Variants in PMPCB observed in about 807,000 individuals in gnomAD.
PMPCB encodes the protein peptidase, mitochondrial processing subunit beta, also known as mitochondrial-processing peptidase subunit beta.
Under a neutral mutation model 61.5 loss-of-function variants are expected in PMPCB, and 46 were observed. The observed-to-expected ratio is 0.75, with a 90% CI of 0.59 to 0.96. PMPCB has a LOEUF of 0.96. Among genes scored for constraint, PMPCB ranks in the 40% least tolerant of loss-of-function variants. The pLI is 0.00. For missense variants in PMPCB, 590 were observed against 602.4 expected (o/e 0.98, Z 0.22); for synonymous variants, 191 against 201.6 (o/e 0.95, Z 0.44).
At chr7:103,319,247 A>T (rs1818245917), downstream of PMPCB, among the ~76,000 whole-genome samples, 1 of 151,912 alleles carries the variant, frequency 6.6e-6, no homozygotes, top group Non-Finnish European at 1.5e-5. Context: ...GACCAGCCTG[A>T]CCAACATGGT....
At chr7:103,315,676 C>A, downstream of PMPCB, 3 of 785,618 alleles carry the variant, frequency 3.8e-6, no homozygotes, top group Non-Finnish European at 6.2e-6. Context: ...ATTTCCCTAT[C>A]ATTCTGAACA....
intron 12 of PMPCB, chr7:103,319,939 G>A (rs1206134004): frequency 6.6e-6 from 9 of 1,358,638 alleles, no homozygotes; most frequent in Non-Finnish European, 9.3e-6. Context: ...GGAGGCTGAG[G>A]CAGGAGAATC....
At chr7:103,347,328 G>A in the PMPCB span, among the ~76,000 whole-genome samples, 1 of 152,192 alleles carries the variant, frequency 6.6e-6, no homozygotes, top group Non-Finnish European at 1.5e-5. Context: ...CTTCTTTGGA[G>A]CAATGTTTAT....
At chr7:103,341,388 C>CCT in the PMPCB span, among the ~76,000 whole-genome samples, 5 of 152,168 alleles carry the variant, frequency 3.3e-5, no homozygotes, top group Non-Finnish European at 5.9e-5. Context: ...TTCTCATCAC[C>CCT]ATACCGCATG....
chr7:103,334,193 C>T (rs182401355), downstream of PMPCB, among the ~76,000 whole-genome samples: 6 of 151,982 alleles, frequency 3.9e-5, no homozygotes, highest in South Asian at 4.2e-4. Context: ...CCTCGTGATC[C>T]GCCTGCCTTG....
At chr7:103,328,847 C>T in intron 12 of PMPCB, 1 of 342,434 alleles carries the variant, frequency 2.9e-6, no homozygotes, top group Non-Finnish European at 5.1e-6. Flanking sequence ...GTGCCATTTC[C>T]AATTTTGCAT....
At chr7:103,298,015 A>G (rs1368643925) in intron 1 of PMPCB, 7 of 962,100 alleles carry the variant, frequency 7.3e-6, no homozygotes, top group Non-Finnish European at 9.3e-6. Flanking sequence ...AAGCAAAGGG[A>G]TGTGAGACTT....
At chr7:103,344,681 T>C in the PMPCB span, 2 of 1,564,206 alleles carry the variant, frequency 1.3e-6, no homozygotes, top group African/African-American at 1.3e-5. Flanking sequence ...GGAGGGCGCT[T>C]AGGGTCCCCT....
intron 12 of PMPCB, chr7:103,322,228 GAC>G: frequency 1.6e-6 from 1 of 641,562 alleles, no homozygotes; most frequent in African/African-American, 1.9e-5. Context: ...AACTCGGAAA[GAC>G]AGCTGGTAAA....
rs564665549 is a variant in PMPCB, at chr7:103,313,868, A to C, written c.*1597A>C. 16 of 985,396 alleles carry C rather than the reference A, an allele frequency of 1.6e-5. No individual in the cohort carries two copies. The African/African-American group carries it at 2.6e-4, about 16-fold the overall frequency. The allele number at this position is 985,396 out of a possible 1,614,324, so 61.0% of individuals were successfully genotyped here. ...TAAGTGGTAGAAAGCTGATTTGGTT[A>C]AGTTAATGGACTTCTGGCAATTTAG... On this transcript the variant is annotated 3_prime_UTR_variant, in exon 13 of 13. Transcript: ENST00000249269.
chr7:103,344,743 G>A, the PMPCB span: 16 of 1,018,560 alleles, frequency 1.6e-5, no homozygotes, highest in Admixed American at 6.0e-5. Context: ...AGACGCCCAG[G>A]AACCGGCGCA....
intron 4 of PMPCB, 104 bp downstream of exon 4, chr7:103,300,411 A>G: frequency 2.1e-6 from 2 of 950,928 alleles, no homozygotes; most frequent in South Asian, 5.2e-5. Context: ...AGTTCCAGAA[A>G]TGTGAAAAAG....
chr7:103,311,649 ACT>A lies in PMPCB; in HGVS notation c.1164_1165del (p.Cys389TyrfsTer7). On this transcript the variant is annotated frameshift_variant, in exon 10 of 13. Coordinates refer to ENST00000249269, the MANE Select transcript of PMPCB (RefSeq NM_004279.3). LOFTEE classifies it high-confidence loss of function. ...GTTTTTCCACGTTTTTTAGGATGCG[ACT>A]CTGTACAAGTGTCACAGAAAGTGAG... ...LHVVQKEWMR[L>X]CTSVTESEVA... is the part of the protein sequence containing the mutation. 5.0e-6 allele frequency: 8 copies of A among 1,612,786 alleles called. No individual in the cohort carries two copies. Among genetic ancestry groups the A allele is most frequent in the Non-Finnish European group, 5.9e-6 (7 of 1,179,258 alleles).
intron 12 of PMPCB, chr7:103,324,576 G>T: frequency 7.0e-7 from 1 of 1,437,798 alleles, no homozygotes; most frequent in Non-Finnish European, 9.3e-7. Context: ...AAATATCAAA[G>T]GAAATATTCT....
chr7:103,322,629 T>C (rs1439403149), intron 12 of PMPCB: 3 of 1,613,146 alleles, frequency 1.9e-6, no homozygotes, highest in South Asian at 2.2e-5. Flanking sequence ...GCTGTATGCA[T>C]TGTCTAGCAA....
At chr7:103,325,901 G>A (rs763203943) in intron 12 of PMPCB, among the ~76,000 whole-genome samples, 5 of 152,242 alleles carry the variant, frequency 3.3e-5, no homozygotes, top group African/African-American at 4.8e-5. Context: ...GTAGTATACC[G>A]ATTGATAAAG....
At chr7:103,339,468 G>C in the PMPCB span, among the ~76,000 whole-genome samples, 1 of 152,154 alleles carries the variant, frequency 6.6e-6, no homozygotes, top group Non-Finnish European at 1.5e-5. Context: ...AGCTTTGAAA[G>C]AGTACTTTAC....
intron 4 of PMPCB, 94 bp from the exon 5 acceptor site, chr7:103,303,748 G>A: frequency 1.3e-6 from 1 of 757,822 alleles, no homozygotes; most frequent in Admixed American, 2.7e-5. Context: ...TTGAGTGATG[G>A]GTCAGTGTCA....
chr7:103,332,162 G>A (rs185041658), downstream of PMPCB, among the ~76,000 whole-genome samples: 602 of 151,974 alleles, frequency 4.0e-3, 4 homozygotes, highest in African/African-American at 0.014. Context: ...CCGCCACCAC[G>A]CCTGCCTAAT....
Sources: allele counts gnomAD v4.1 joint callset (sites outside exome capture counted in the v4.1 genomes callset), GRCh38; gene constraint gnomAD v4.1.1; transcripts MANE v1.5; gene names NCBI Gene and HGNC (gene_info 2026-07-23, HGNC 2026-07-21).